The following DCDC2B variants were observed in gnomAD, a reference collection of about 807,000 sequenced individuals.
The protein encoded by DCDC2B is doublecortin domain-containing protein 2B.
A neutral mutation model predicts 38.9 loss-of-function variants in DCDC2B; 41 were observed. That is an observed-to-expected ratio of 1.05 (90% CI 0.82 to 1.37). The LOEUF is 1.37. DCDC2B is among the 40% of genes most tolerant of loss of function. DCDC2B has a pLI of 0.00. For synonymous variants in DCDC2B, 181 were observed against 171.9 expected, an observed-to-expected ratio of 1.05 and a Z score of -0.41; for missense variants, 453 against 427.2, an observed-to-expected ratio of 1.06 and a Z score of -0.53.
Position 32,212,580 on chromosome 1 carries a change from G to C in DCDC2B, c.618G>C (p.Lys206Asn). 6.2e-7 allele frequency: 1 copy of C among 1,614,056 alleles called. No individual in the cohort carries two copies. Among genetic ancestry groups the C allele is most frequent in the Non-Finnish European group, 8.5e-7 (1 of 1,179,904 alleles). The change falls in exon 5 of 9, where the codon AAG becomes AAC. Residue 206 changes from lysine to asparagine, a missense_variant. Lys to Asn is a moderately conservative substitution (Grantham distance 94). Transcript: ENST00000409358. ...TGGCTGTCGGAGAGGATGAGTTCAA[G>C]GACCTTCCCTATCTGGAGCTGCTGG... ...YYVAVGEDEF[K>N]DLPYLELLVP...
At position 32,214,853 on chromosome 1, in the gene DCDC2B, TA is replaced by T; in HGVS notation, c.773del (p.Lys258SerfsTer29). The T allele has an allele frequency of 6.2e-7, 1 of 1,613,910 alleles. No individual in the cohort carries two copies. Among genetic ancestry groups the T allele is most frequent in the East Asian group, 2.2e-5 (1 of 44,876 alleles). The stretch of plus-strand genomic sequence containing the variant: ...CCTCTCCAAAGGAACCAGACCGAAT[TA>T]AGCCATCTGCTTTCTATGCCAGACC... ...QPSPKEPDRI[K>X]PSAFYARPQQ... On this transcript the variant is annotated frameshift_variant, in exon 7 of 9. Transcript: ENST00000409358. LOFTEE classifies it high-confidence loss of function.
chr1:32,211,924 T>C, intron 3 of DCDC2B, 87 bp downstream of exon 3: 1 of 1,541,372 alleles, frequency 6.5e-7, no homozygotes, highest in Non-Finnish European at 8.8e-7. Context: ...TAGGAGCCTC[T>C]GGTTACTGTT....
chr1:32,209,678 C>G (rs1000992739), intron 1 of DCDC2B, among the ~76,000 whole-genome samples: 10 of 152,122 alleles, frequency 6.6e-5, no homozygotes, highest in South Asian at 2.1e-4. Context: ...TTGCTTGGAC[C>G]CCCTATCACT....
intron 6 of DCDC2B, among the ~76,000 whole-genome samples, chr1:32,213,951 C>T (rs1643691116): frequency 6.6e-6 from 1 of 151,950 alleles, no homozygotes; most frequent in Non-Finnish European, 1.5e-5. Context: ...CTCGCCTGGC[C>T]ACTCTTAATA....
At position 32,212,199 on chromosome 1, in the gene DCDC2B, CAAGT is replaced by C. The variant is rs780442498; in HGVS notation, c.526_527+2del. On this transcript the variant is annotated splice_donor_variant and coding_sequence_variant, in exon 4 of 9. Transcript: ENST00000409358. LOFTEE classifies it high-confidence loss of function. ...TCAAGTTGCAGAGTGGGGCTGTGTG[CAAGT>C]GAGTATGGGGACTGCGAGGGCCCAA... 3 of 1,612,996 alleles carry C rather than the reference CAAGT, an allele frequency of 1.9e-6. No individual in the cohort carries two copies. The highest frequency in any genetic ancestry group is 1.1e-5 in the South Asian group (1 of 91,006).
Position 32,214,942 on chromosome 1 carries a change from C to T in DCDC2B, c.850+10C>T. ...CTCTCATTCCCATCAGGTGAGGGGTCCCTGGGGCTCAGGCCCTTCTCAGCT... is the reference window on the plus strand; with the variant it reads ...CTCTCATTCCCATCAGGTGAGGGGTTCCTGGGGCTCAGGCCCTTCTCAGCT... On this transcript the variant is annotated intron_variant, in intron 7 of 8. Coordinates refer to ENST00000409358, the MANE Select transcript of DCDC2B (RefSeq NM_001099434.2). The T allele has an allele frequency of 6.2e-7, 1 of 1,613,758 alleles. No individual in the cohort carries two copies. The highest frequency in any genetic ancestry group is 1.3e-5 in the African/African-American group (1 of 74,996).
chr1:32,213,531 T>TG (rs1243237286), intron 6 of DCDC2B, among the ~76,000 whole-genome samples: 2 of 130,006 alleles, frequency 1.5e-5, no homozygotes, highest in East Asian at 4.4e-4. Context: ...TTTTTTGAGA[T>TG]GGAGTCTCGC....
rs748500812 is a variant in DCDC2B, at chr1:32,212,743, T to G, written c.675-11T>G. On this transcript the variant is annotated splice_polypyrimidine_tract_variant and intron_variant, in intron 5 of 8. Coordinates refer to ENST00000409358, the MANE Select transcript of DCDC2B (RefSeq NM_001099434.2). ...TCTGCCCACTACAAGCCTTTCCTTT[T>G]GTCATTGTAGGCAACCTCCAGGCTC... is the stretch of plus-strand genomic sequence containing the variant. The G allele has an allele frequency of 6.2e-7, 1 of 1,613,780 alleles. No homozygotes were observed. The highest frequency in any genetic ancestry group is 1.7e-5 in the Admixed American group (1 of 59,994).
At chr1:32,209,743 C>G (rs1384671456) in intron 1 of DCDC2B, among the ~76,000 whole-genome samples, 7 of 152,192 alleles carry the variant, frequency 4.6e-5, no homozygotes. Context: ...GCATCCCAGA[C>G]TCTCCCGTTA....
Position 32,212,740 on chromosome 1 carries a change from T to C in DCDC2B, c.675-14T>C, listed in dbSNP as rs1193787771. ...CCCTCTGCCCACTACAAGCCTTTCCTTTTGTCATTGTAGGCAACCTCCAGG... is the reference window on the plus strand; with the variant it reads ...CCCTCTGCCCACTACAAGCCTTTCCCTTTGTCATTGTAGGCAACCTCCAGG... On this transcript the variant is annotated splice_polypyrimidine_tract_variant and intron_variant, in intron 5 of 8. Coordinates refer to ENST00000409358, the MANE Select transcript of DCDC2B (RefSeq NM_001099434.2). 2.5e-6 allele frequency: 4 copies of C among 1,613,902 alleles called. No individual in the cohort carries two copies. Among genetic ancestry groups the C allele is most frequent in the Non-Finnish European group, 3.4e-6 (4 of 1,179,844 alleles).
At chr1:32,215,672 C>T (rs1410783031) in intron 8 of DCDC2B, 129 bp downstream of exon 8, 1 of 1,110,280 alleles carries the variant, frequency 9.0e-7, no homozygotes, top group African/African-American at 1.6e-5. Context: ...TAACTTCCTA[C>T]CTTGTTAAAT....
intron 2 of DCDC2B, 70 bp downstream of exon 2, chr1:32,211,393 G>T: frequency 1.3e-6 from 2 of 1,555,660 alleles, no homozygotes; most frequent in Non-Finnish European, 1.8e-6. Context: ...CCCCAATTTG[G>T]TCTGGGAAGC....
At chr1:32,212,387 G>A in intron 4 of DCDC2B, 103 bp from the exon 5 acceptor site, 2 of 1,550,604 alleles carry the variant, frequency 1.3e-6, no homozygotes, top group Non-Finnish European at 8.8e-7. Flanking sequence ...GTGCCTAGAG[G>A]CCAGAGGGCA....
In DCDC2B at chr1:32,214,912, C is replaced by G. The variant is rs1638255497; in HGVS notation, c.830C>G (p.Pro277Arg). 1.2e-6 allele frequency: 2 copies of G among 1,613,860 alleles called. No homozygotes were observed. Among genetic ancestry groups the G allele is most frequent in the East Asian group, 4.5e-5 (2 of 44,894 alleles). ...ACCATTCAGCCAAGAAGCAAGCTCCCCACACTCTCATTCCCATCAGGTGAG... is the reference window on the plus strand; with the variant it reads ...ACCATTCAGCCAAGAAGCAAGCTCCGCACACTCTCATTCCCATCAGGTGAG... ...QQTIQPRSKL[P>R]TLSFPSGVIG... Residue 277 changes from proline (P) to arginine (R), a missense_variant, in exon 7 of 9, where the codon CCC (proline) becomes CGC (arginine). Coordinates refer to ENST00000409358, the MANE Select transcript of DCDC2B (RefSeq NM_001099434.2).
Position 32,215,849 on chromosome 1 carries a change from T to C in DCDC2B, c.1002T>C (p.Pro334=), listed in dbSNP as rs1375202308. 1.9e-6 allele frequency: 3 copies of C among 1,552,912 alleles called. No individual in the cohort carries two copies. Among genetic ancestry groups the C allele is most frequent in the Admixed American group, 2.0e-5 (1 of 51,124 alleles). The change falls in exon 9 of 9, where the codon CCT becomes CCC. Residue 334 remains proline, a synonymous_variant. Coordinates refer to ENST00000409358, the MANE Select transcript of DCDC2B (RefSeq NM_001099434.2). Reference sequence around the variant, plus strand: ...AGGCCTTGTCCCTGGAAAACCAGCCTGGGGCTGGGGCTGCTATCTCAGCCT... The same window carrying C: ...AGGCCTTGTCCCTGGAAAACCAGCCCGGGGCTGGGGCTGCTATCTCAGCCT... ...VEEALSLENQ[P]GAGAAISASA... is the part of the protein sequence containing the mutation.
At chr1:32,212,448 T>A (rs1188777256) in intron 4 of DCDC2B, 42 bp from the exon 5 acceptor site, 2 of 1,605,780 alleles carry the variant, frequency 1.2e-6, no homozygotes, top group Admixed American at 3.3e-5. Context: ...TGAAGAAGCA[T>A]CGAGTCTACC....
At chr1:32,213,242 G>A (rs983643925) in intron 6 of DCDC2B, among the ~76,000 whole-genome samples, 6 of 151,954 alleles carry the variant, frequency 3.9e-5, no homozygotes, top group Non-Finnish European at 8.8e-5. Context: ...ATATTGCGAA[G>A]GCTGGTCTTG....
At chr1:32,215,108 C>T (rs1349063863) in intron 7 of DCDC2B, 176 bp downstream of exon 7, 4 of 881,660 alleles carry the variant, frequency 4.5e-6, no homozygotes, top group African/African-American at 1.7e-5. Context: ...GGAGACTGCC[C>T]GTAAAAAAAA....
intron 6 of DCDC2B, among the ~76,000 whole-genome samples, chr1:32,214,261 G>A (rs955989204): frequency 1.4e-5 from 2 of 141,464 alleles, no homozygotes; most frequent in African/African-American, 5.3e-5. Context: ...GTGGTGAGCT[G>A]AGATCACACC....
Sources: gnomAD v4.1 joint callset for allele counts (sites outside exome capture counted in the v4.1 genomes callset) on GRCh38, gnomAD v4.1.1 for gene constraint, MANE v1.5 for transcripts, NCBI Gene and HGNC (gene_info 2026-07-23, HGNC 2026-07-21) for gene names.